The following FBXO34 variants were observed in gnomAD, a reference collection of about 807,000 sequenced individuals.
FBXO34 encodes F-box only protein 34.
Under a neutral mutation model 24.5 loss-of-function variants are expected in FBXO34, and 12 were observed. That is an observed-to-expected ratio of 0.49 (90% CI 0.31 to 0.79). The LOEUF (loss-of-function observed/expected upper bound fraction) is 0.79. Ranked by LOEUF, FBXO34 falls within the 30% of genes least tolerant of loss-of-function variation. The pLI, the probability that FBXO34 is intolerant of heterozygous loss-of-function variation, is 0.04. For missense variants in FBXO34, 823 were observed against 857.7 expected, an observed-to-expected ratio of 0.96 and a Z score of 0.51; for synonymous variants, 320 against 311.9, an observed-to-expected ratio of 1.03 and a Z score of -0.27.
At chr14:55,333,264 T>C (rs924111556) in intron 1 of FBXO34, among the ~76,000 whole-genome samples, 10 of 152,316 alleles carry the variant, frequency 6.6e-5, no homozygotes, top group African/African-American at 2.2e-4. Context: ...AAATTTTTGT[T>C]GAGGGAGTTT....
At chr14:55,415,592 T>G in the FBXO34 span, among the ~76,000 whole-genome samples, 1 of 152,092 alleles carries the variant, frequency 6.6e-6, no homozygotes, top group Non-Finnish European at 1.5e-5. Context: ...AGGCGGGGCG[T>G]GGTGGCTCAC....
At chr14:55,418,276 C>G in the FBXO34 span, among the ~76,000 whole-genome samples, 1 of 152,208 alleles carries the variant, frequency 6.6e-6, no homozygotes. Flanking sequence ...ACTTGGTAGG[C>G]ACCCAAAATT....
At chr14:55,306,195 A>G (rs938006395) in intron 1 of FBXO34, among the ~76,000 whole-genome samples, 1 of 152,236 alleles carries the variant, frequency 6.6e-6, no homozygotes, top group East Asian at 1.9e-4. Flanking sequence ...TAATTGCTAA[A>G]TGTTTTGGAC....
At chr14:55,394,246 C>T in the FBXO34 span, among the ~76,000 whole-genome samples, 1 of 151,812 alleles carries the variant, frequency 6.6e-6, no homozygotes, top group Non-Finnish European at 1.5e-5. Context: ...ACCTTGTGAT[C>T]CACTTGCCTC....
chr14:55,289,280 T>C (rs776073719), intron 1 of FBXO34, among the ~76,000 whole-genome samples: 19 of 152,154 alleles, frequency 1.2e-4, no homozygotes, highest in Admixed American at 2.6e-4. Flanking sequence ...AAATCTAATA[T>C]AAACCTTCAA....
chr14:55,303,674 C>A (rs1246660909), intron 1 of FBXO34, among the ~76,000 whole-genome samples: 1 of 150,990 alleles, frequency 6.6e-6, no homozygotes, highest in Admixed American at 6.6e-5. Flanking sequence ...AAAAAAAAAC[C>A]CTTTATTTCC....
the FBXO34 span, among the ~76,000 whole-genome samples, chr14:55,386,968 G>A: frequency 6.6e-6 from 1 of 152,154 alleles, no homozygotes; most frequent in African/African-American, 2.4e-5. Flanking sequence ...TTTTTGACGT[G>A]TCCACTGCCT....
chr14:55,346,607 G>A (rs983494344), intron 1 of FBXO34, among the ~76,000 whole-genome samples: 1 of 152,092 alleles, frequency 6.6e-6, no homozygotes, highest in Non-Finnish European at 1.5e-5. Flanking sequence ...GAAGAGTAGT[G>A]GTCTAGAAAC....
intron 1 of FBXO34, among the ~76,000 whole-genome samples, chr14:55,276,590 G>A (rs983281097): frequency 6.6e-6 from 1 of 151,908 alleles, no homozygotes; most frequent in Non-Finnish European, 1.5e-5. Flanking sequence ...AAATTCTCTC[G>A]GCCCCGAGGA....
chr14:55,349,607 C>CTTTTTTTTTTTTTTTT (rs57284715), intron 1 of FBXO34, among the ~76,000 whole-genome samples: 1 of 116,636 alleles, frequency 8.6e-6, no homozygotes, highest in Non-Finnish European at 1.7e-5. Context: ...CAATAATTTT[C>CTTTTTTTTTTTTTTTT]TTTTTTTTTT....
At chr14:55,330,723 C>T (rs996979406) in intron 1 of FBXO34, among the ~76,000 whole-genome samples, 4 of 151,982 alleles carry the variant, frequency 2.6e-5, no homozygotes, top group Admixed American at 1.3e-4. Context: ...GCTGGGAGTT[C>T]GAGGCTGCAG....
chr14:55,422,443 G>GT, the FBXO34 span, among the ~76,000 whole-genome samples: 1 of 152,082 alleles, frequency 6.6e-6, no homozygotes, highest in Admixed American at 6.5e-5. Flanking sequence ...TAGAGACAGG[G>GT]TTTCACCATG....
At chr14:55,420,739 G>A in the FBXO34 span, among the ~76,000 whole-genome samples, 1 of 145,038 alleles carries the variant, frequency 6.9e-6, no homozygotes, top group Non-Finnish European at 1.5e-5. Flanking sequence ...TTTGAAACTG[G>A]CAAATGTGTA....
the FBXO34 span, among the ~76,000 whole-genome samples, chr14:55,381,635 A>G: frequency 6.6e-6 from 1 of 152,248 alleles, no homozygotes; most frequent in South Asian, 2.1e-4. Flanking sequence ...GCTAAGTGAA[A>G]GAAGTCTGAC....
At chr14:55,343,079 A>G (rs1221512463) in intron 1 of FBXO34, among the ~76,000 whole-genome samples, 2 of 152,202 alleles carry the variant, frequency 1.3e-5, no homozygotes, top group Non-Finnish European at 2.9e-5. Context: ...AATCATTTGT[A>G]CAATGGTCCA....
chr14:55,396,981 T>C, the FBXO34 span, among the ~76,000 whole-genome samples: 1 of 152,202 alleles, frequency 6.6e-6, no homozygotes. Context: ...ATACAGGTAA[T>C]GTGCAGACCA....
downstream of FBXO34, among the ~76,000 whole-genome samples, chr14:55,358,243 C>T (rs767014881): frequency 3.9e-5 from 6 of 152,220 alleles, no homozygotes; most frequent in East Asian, 3.8e-4. Flanking sequence ...TCCTTTTCCA[C>T]GGCCAGTGGT....
chr14:55,302,332 T>C (rs1028860546), intron 1 of FBXO34, among the ~76,000 whole-genome samples: 3 of 152,216 alleles, frequency 2.0e-5, no homozygotes, highest in Admixed American at 6.5e-5. Flanking sequence ...CTGGGATAAT[T>C]GTCATCTGTT....
chr14:55,374,086 C>T (rs1435078539), downstream of FBXO34, among the ~76,000 whole-genome samples: 1 of 152,250 alleles, frequency 6.6e-6, no homozygotes, highest in Non-Finnish European at 1.5e-5. Context: ...AATTCACCTC[C>T]AGTATGAGTG....
Sources: allele counts gnomAD v4.1 joint callset (sites outside exome capture counted in the v4.1 genomes callset), GRCh38; gene constraint gnomAD v4.1.1; transcripts MANE v1.5; gene names NCBI Gene and HGNC (gene_info 2026-07-23, HGNC 2026-07-21).